ARHGAP31: variants seen among roughly 807,000 people sequenced by gnomAD.
ARHGAP31 encodes the protein rho GTPase-activating protein 31.
In ARHGAP31, 34 loss-of-function variants were observed where a neutral mutation model predicts 113.9. That is an observed-to-expected ratio of 0.30 (90% CI 0.23 to 0.40). The LOEUF is 0.40. Ranked by LOEUF, ARHGAP31 falls within the 10% of genes least tolerant of loss-of-function variation. The probability of loss-of-function intolerance (pLI) is 1.00; values close to 1 mark genes in which losing one functional copy is unlikely to be tolerated. For missense variants in ARHGAP31, 1,548 were observed against 1,767.1 expected (o/e 0.88, Z 2.22); for synonymous variants, 650 against 684.8 (o/e 0.95, Z 0.79).
intron 10 of ARHGAP31, among the ~76,000 whole-genome samples, chr3:119,407,551 T>C (rs1211238018): frequency 6.6e-6 from 1 of 152,150 alleles, no homozygotes; most frequent in African/African-American, 2.4e-5. Flanking sequence ...TGTTTACATA[T>C]GCAAAAATAA....
chr3:119,354,849 T>C (rs941377318), intron 1 of ARHGAP31, among the ~76,000 whole-genome samples: 8 of 146,960 alleles, frequency 5.4e-5, no homozygotes, highest in African/African-American at 2.2e-4. Context: ...CTGTACTCTA[T>C]ATTTATATAT....
At chr3:119,320,973 T>C (rs2079777911) in intron 1 of ARHGAP31, among the ~76,000 whole-genome samples, 1 of 152,162 alleles carries the variant, frequency 6.6e-6, no homozygotes, top group African/African-American at 2.4e-5. Context: ...AAAAGCTCTC[T>C]CTTCTCTTGA....
chr3:119,331,338 T>A (rs1014710269), intron 1 of ARHGAP31, among the ~76,000 whole-genome samples: 1 of 152,216 alleles, frequency 6.6e-6, no homozygotes, highest in Non-Finnish European at 1.5e-5. Context: ...ATTACTTTTC[T>A]TCTGTGTGTA....
intron 1 of ARHGAP31, among the ~76,000 whole-genome samples, chr3:119,298,281 A>G (rs1559958572): frequency 1.3e-5 from 2 of 152,112 alleles, no homozygotes; most frequent in Non-Finnish European, 2.9e-5. Context: ...TCCCTTCCTT[A>G]CTGCTGCTGC....
intron 1 of ARHGAP31, among the ~76,000 whole-genome samples, chr3:119,328,651 T>C (rs113850347): frequency 3.3e-4 from 51 of 152,268 alleles, no homozygotes; most frequent in East Asian, 2.5e-3. Flanking sequence ...TTCTTTCTTT[T>C]TTTTTCTGAG....
intron 1 of ARHGAP31, among the ~76,000 whole-genome samples, chr3:119,304,171 C>T (rs1008611053): frequency 6.6e-6 from 1 of 152,062 alleles, no homozygotes; most frequent in African/African-American, 2.4e-5. Context: ...GGGATTCTAA[C>T]GTGCCAGACA....
At chr3:119,303,606 A>G (rs1342357191) in intron 1 of ARHGAP31, among the ~76,000 whole-genome samples, 1 of 152,138 alleles carries the variant, frequency 6.6e-6, no homozygotes, top group Admixed American at 6.5e-5. Flanking sequence ...AGAGGGGTGA[A>G]TGTCACCCCT....
At chr3:119,409,265 C>T (rs2080693740) in intron 10 of ARHGAP31, among the ~76,000 whole-genome samples, 1 of 152,198 alleles carries the variant, frequency 6.6e-6, no homozygotes, top group Non-Finnish European at 1.5e-5. Context: ...TGGTTGAGAA[C>T]CACCGGACTA....
intron 1 of ARHGAP31, among the ~76,000 whole-genome samples, chr3:119,317,339 C>T (rs932783590): frequency 1.1e-4 from 16 of 152,124 alleles, no homozygotes; most frequent in South Asian, 4.2e-4. Flanking sequence ...CCACCATGTC[C>T]GGCTAATTTT....
At chr3:119,398,258 AC>A (rs2080568656) in intron 8 of ARHGAP31, among the ~76,000 whole-genome samples, 1 of 151,956 alleles carries the variant, frequency 6.6e-6, no homozygotes, top group African/African-American at 2.4e-5. Flanking sequence ...ACAGAATAAG[AC>A]CCTGTCTTAA....
chr3:119,349,274 A>G (rs938091643), intron 1 of ARHGAP31, among the ~76,000 whole-genome samples: 1 of 152,198 alleles, frequency 6.6e-6, no homozygotes, highest in African/African-American at 2.4e-5. Context: ...GCAAAACAGA[A>G]GCTCATAGAA....
chr3:119,302,292 A>G (rs185088291), intron 1 of ARHGAP31, among the ~76,000 whole-genome samples: 226 of 152,356 alleles, frequency 1.5e-3, no homozygotes, highest in Non-Finnish European at 2.7e-3. Flanking sequence ...CGCAGTATAC[A>G]ATTTCAACTA....
At chr3:119,321,483 T>C (rs1251111124) in intron 1 of ARHGAP31, among the ~76,000 whole-genome samples, 1 of 150,242 alleles carries the variant, frequency 6.7e-6, no homozygotes, top group Non-Finnish European at 1.5e-5. Flanking sequence ...AACATTTTGG[T>C]GGATTTCCTT....
rs558088026 is a variant in ARHGAP31 at position 119,304,978 on chromosome 3, C to A, written c.100+9974C>A. Among the ~76,000 whole-genome samples the A allele has an allele frequency of 5.9e-5, 9 of 152,216 alleles. 1 individual carries two copies. In the South Asian group the frequency reaches 1.9e-3, roughly 32 times the overall value. On this transcript the variant is annotated intron_variant, in intron 1 of 11. Coordinates refer to ENST00000264245, the MANE Select transcript of ARHGAP31 (RefSeq NM_020754.4). ...AATGGTGCTAACTGACCCTCTGTTT[C>A]TTGATTAAATCTATCTGTATGGCAT...
chr3:119,339,937 A>G (rs1577002377), intron 1 of ARHGAP31, among the ~76,000 whole-genome samples: 1 of 152,364 alleles, frequency 6.6e-6, no homozygotes, highest in African/African-American at 2.4e-5. Flanking sequence ...GACCTCATCA[A>G]TGTTAAAAAT....
At chr3:119,411,102 A>G (rs1320129913) in intron 11 of ARHGAP31, among the ~76,000 whole-genome samples, 3 of 152,206 alleles carry the variant, frequency 2.0e-5, no homozygotes, top group Non-Finnish European at 2.9e-5. Flanking sequence ...ATTCCCATTC[A>G]AGGAATGGGA....
At chr3:119,376,040 T>C (rs2080344301) in intron 3 of ARHGAP31, among the ~76,000 whole-genome samples, 1 of 152,176 alleles carries the variant, frequency 6.6e-6, no homozygotes, top group South Asian at 2.1e-4. Flanking sequence ...GACGCGTCAG[T>C]CTCCCTTGGT....
chr3:119,407,374 A>AAAAAAAT (rs2080673144), intron 10 of ARHGAP31, among the ~76,000 whole-genome samples: 9 of 151,006 alleles, frequency 6.0e-5, no homozygotes, highest in Admixed American at 5.9e-4. Context: ...AAAGAAAAAA[A>AAAAAAAT]AAATAAAGAA....
chr3:119,357,735 T>C (rs917235962), intron 1 of ARHGAP31, among the ~76,000 whole-genome samples: 1 of 152,250 alleles, frequency 6.6e-6, no homozygotes, highest in Non-Finnish European at 1.5e-5. Context: ...GTTAAATGTA[T>C]ATAGTTTCTA....
Sources: allele counts gnomAD v4.1 joint callset (sites outside exome capture counted in the v4.1 genomes callset), GRCh38; gene constraint gnomAD v4.1.1; transcripts MANE v1.5; gene names NCBI Gene and HGNC (gene_info 2026-07-23, HGNC 2026-07-21).